DENND1B: variants seen among roughly 807,000 people sequenced by gnomAD.
DENND1B encodes the protein DENN domain-containing protein 1B.
In DENND1B, 59 loss-of-function variants were observed where a neutral mutation model predicts 90.1. The observed-to-expected ratio is 0.65, with a 90% CI of 0.53 to 0.81. The LOEUF is 0.81. DENND1B is among the 40% of genes least tolerant of loss of function. The pLI is 0.00. For missense variants in DENND1B, 862 were observed against 912.6 expected (o/e 0.94, Z 0.71); for synonymous variants, 337 against 324.6 (o/e 1.04, Z -0.41).
intron 14 of DENND1B, among the ~76,000 whole-genome samples, chr1:197,591,821 T>C (rs540869799): frequency 6.6e-6 from 1 of 152,042 alleles, no homozygotes; most frequent in East Asian, 1.9e-4. Context: ...TCTTAAGAAG[T>C]GTATCACGGC....
At chr1:197,599,350 A>G (rs766104042) in intron 13 of DENND1B, among the ~76,000 whole-genome samples, 2 of 151,860 alleles carry the variant, frequency 1.3e-5, no homozygotes, top group Non-Finnish European at 2.9e-5. Context: ...ATACCTAGAA[A>G]TTTTTATTTT....
chr1:197,515,872 T>C (rs181451547), intron 20 of DENND1B, among the ~76,000 whole-genome samples: 2 of 151,962 alleles, frequency 1.3e-5, no homozygotes, highest in East Asian at 3.9e-4. Context: ...AACTTATGTC[T>C]TTCCCTATTG....
At chr1:197,756,753 T>C (rs1654356868) in intron 2 of DENND1B, among the ~76,000 whole-genome samples, 1 of 151,664 alleles carries the variant, frequency 6.6e-6, no homozygotes, top group Non-Finnish European at 1.5e-5. Flanking sequence ...TTAAAACAGA[T>C]GAACATTAGA....
At chr1:197,573,907 C>G (rs1044258263) in intron 15 of DENND1B, among the ~76,000 whole-genome samples, 1 of 152,162 alleles carries the variant, frequency 6.6e-6, no homozygotes, top group Non-Finnish European at 1.5e-5. Context: ...AACATCCCTT[C>G]ATGCTAAAAA....
At chr1:197,519,172 T>G (rs996980443) in intron 20 of DENND1B, among the ~76,000 whole-genome samples, 10 of 152,054 alleles carry the variant, frequency 6.6e-5, no homozygotes, top group Non-Finnish European at 1.0e-4. Flanking sequence ...AGATTGTCCT[T>G]TATACCACCT....
At position 197,534,117 on chromosome 1, in the gene DENND1B, AAGGAC is replaced by A. The variant is rs1669708623; in HGVS notation, c.1515+5842_1515+5846del. ...AAACAACCCCATCAAAAAGTGGGCG[AAGGAC>A]ATGAACAGACACTTCTCAAAACAAA... On this transcript the variant is annotated intron_variant, in intron 20 of 22. Coordinates refer to ENST00000620048, the MANE Select transcript of DENND1B (RefSeq NM_001195215.2). Among the ~76,000 whole-genome samples the A allele has an allele frequency of 1.9e-3, 2 of 1,072 alleles. 1 individual carries two copies. Among genetic ancestry groups the A allele is most frequent in the African/African-American group, 1.9e-3 (2 of 1,052 alleles). The allele number at this position is 1,072 out of a possible 152,430, so 0.7% of individuals were successfully genotyped here.
chr1:197,536,144 G>GAT (rs1558211765), intron 20 of DENND1B, among the ~76,000 whole-genome samples: 1,998 of 122,600 alleles, frequency 0.016, 40 homozygotes, highest in African/African-American at 0.058. Flanking sequence ...GAGATTGAGA[G>GAT]AGAGAGAGAG....
At chr1:197,597,861 G>A (rs1675847550) in intron 13 of DENND1B, among the ~76,000 whole-genome samples, 1 of 151,718 alleles carries the variant, frequency 6.6e-6, no homozygotes, top group Non-Finnish European at 1.5e-5. Context: ...TGTCTCAACT[G>A]AGATTTGCCG....
intron 10 of DENND1B, among the ~76,000 whole-genome samples, chr1:197,641,117 G>T (rs944474141): frequency 6.6e-6 from 1 of 152,106 alleles, no homozygotes; most frequent in African/African-American, 2.4e-5. Flanking sequence ...CATGCCAGTC[G>T]AATATGGTTA....
chr1:197,680,424 T>C (rs914028672), intron 3 of DENND1B, among the ~76,000 whole-genome samples: 1 of 152,208 alleles, frequency 6.6e-6, no homozygotes, highest in Admixed American at 6.6e-5. Context: ...CAAGCAATCA[T>C]TTAAATCAAG....
chr1:197,746,887 T>C, intron 2 of DENND1B: 1 of 1,611,936 alleles, frequency 6.2e-7, no homozygotes, highest in South Asian at 1.1e-5. Context: ...AGGCAACTGC[T>C]TTGGCAATCT....
At chr1:197,645,783 A>G (rs1680678375) in intron 8 of DENND1B, 40 bp from the exon 9 acceptor site, 4 of 1,323,498 alleles carry the variant, frequency 3.0e-6, no homozygotes, top group Non-Finnish European at 4.2e-6. Context: ...AAAGATAATT[A>G]AAACTGGTAA....
intron 3 of DENND1B, among the ~76,000 whole-genome samples, chr1:197,690,799 AT>A (rs1558406615): frequency 1.3e-5 from 2 of 151,984 alleles, no homozygotes; most frequent in Non-Finnish European, 1.5e-5. Context: ...TTTATGGAAC[AT>A]TTTTGGGTTT....
chr1:197,728,092 C>T (rs1383471325), intron 2 of DENND1B, among the ~76,000 whole-genome samples: 1 of 152,064 alleles, frequency 6.6e-6, no homozygotes, highest in Non-Finnish European at 1.5e-5. Context: ...CATAGCAGTT[C>T]TCAACCCTTT....
In DENND1B at chr1:197,645,736, T is replaced by C. The variant is rs1680673186; in HGVS notation, c.515A>G (p.Tyr172Cys). 2.5e-6 allele frequency: 4 copies of C among 1,569,280 alleles called. No individual in the cohort carries two copies. The highest frequency in any genetic ancestry group is 3.5e-6 in the Non-Finnish European group (4 of 1,157,376). ...KDQPALVPHS[Y>C]FIAPDVTGLP... The stretch of plus-strand genomic sequence containing the variant: ...TCCAGTTACATCAGGGGCAATGAAG[T>C]AGGAATGCTAATCAATACAAATAAA... The change falls in exon 9 of 23, where the codon TAC (tyrosine) becomes TGC (cysteine). Residue 172 changes from tyrosine (Y) to cysteine (C), a missense_variant. Tyr to Cys is a radical substitution (Grantham distance 194, BLOSUM62 -2). Coordinates refer to ENST00000620048, the MANE Select transcript of DENND1B (RefSeq NM_001195215.2).
At chr1:197,768,959 A>G (rs1259927193) in intron 2 of DENND1B, among the ~76,000 whole-genome samples, 1 of 152,214 alleles carries the variant, frequency 6.6e-6, no homozygotes. Context: ...TTATCAAGTT[A>G]TATTTTAAAA....
chr1:197,641,897 G>A (rs1161075740), intron 10 of DENND1B, among the ~76,000 whole-genome samples: 1 of 151,870 alleles, frequency 6.6e-6, no homozygotes, highest in Non-Finnish European at 1.5e-5. Flanking sequence ...TAAAAATATG[G>A]TTTTATTTAT....
chr1:197,589,742 G>GC (rs1442165697), intron 14 of DENND1B, among the ~76,000 whole-genome samples: 1 of 152,108 alleles, frequency 6.6e-6, no homozygotes, highest in Non-Finnish European at 1.5e-5. Flanking sequence ...TCAAACGGAG[G>GC]ACCGGATTAC....
chr1:197,539,062 C>T (rs144170289), intron 20 of DENND1B, among the ~76,000 whole-genome samples: 3 of 152,242 alleles, frequency 2.0e-5, no homozygotes, highest in Non-Finnish European at 4.4e-5. Context: ...GGTACAGCAG[C>T]ACAAAATGGG....
Sources: gnomAD v4.1 joint callset for allele counts (sites outside exome capture counted in the v4.1 genomes callset) on GRCh38, gnomAD v4.1.1 for gene constraint, MANE v1.5 for transcripts, NCBI Gene and HGNC (gene_info 2026-07-23, HGNC 2026-07-21) for gene names.